The following CNBD1 variants were observed in gnomAD, a reference collection of about 807,000 sequenced individuals.
CNBD1 encodes the protein cyclic nucleotide-binding domain-containing protein 1.
In CNBD1, 71 loss-of-function variants were observed where a neutral mutation model predicts 54.4. The ratio of observed to expected loss-of-function variants is 1.30; its 90% confidence interval spans 1.08 to 1.59. The LOEUF (loss-of-function observed/expected upper bound fraction) is 1.59, where lower values mean the gene tolerates loss of function less well. Ranked by LOEUF, CNBD1 falls within the 40% of genes most tolerant of loss-of-function variation. CNBD1 has a pLI of 0.00. For missense variants in CNBD1, 659 were observed against 518.0 expected (o/e 1.27, Z -2.64); for synonymous variants, 182 against 170.7 (o/e 1.07, Z -0.51).
chr8:87,078,353 G>A (rs890974652), intron 4 of CNBD1, among the ~76,000 whole-genome samples: 9 of 152,202 alleles, frequency 5.9e-5, no homozygotes, highest in African/African-American at 1.9e-4. Context: ...TAATGTCAGT[G>A]TAAAGCTGTG....
chr8:87,268,959 G>T (rs1808313260), intron 6 of CNBD1, among the ~76,000 whole-genome samples: 1 of 151,974 alleles, frequency 6.6e-6, no homozygotes, highest in Admixed American at 6.6e-5. Flanking sequence ...TGTTTTTGTT[G>T]CAATTACCTT....
At chr8:87,186,525 C>T (rs1813479324) in intron 4 of CNBD1, among the ~76,000 whole-genome samples, 1 of 151,990 alleles carries the variant, frequency 6.6e-6, no homozygotes, top group Admixed American at 6.6e-5. Flanking sequence ...AATAAACAAA[C>T]AAACAACAAA....
At chr8:87,356,383 G>C (rs953404331) in intron 10 of CNBD1, among the ~76,000 whole-genome samples, 40 of 152,250 alleles carry the variant, frequency 2.6e-4, no homozygotes, top group Admixed American at 7.2e-4. Context: ...GTGAAGGCCA[G>C]GCTTATGAGG....
chr8:86,903,471 AG>A (rs1414205036), intron 2 of CNBD1, among the ~76,000 whole-genome samples: 1 of 152,108 alleles, frequency 6.6e-6, no homozygotes, highest in Middle Eastern at 3.2e-3. Flanking sequence ...AATGGGTAGG[AG>A]TATCTAGTTA....
At chr8:87,212,385 G>A (rs1159415407) in intron 5 of CNBD1, among the ~76,000 whole-genome samples, 1 of 151,950 alleles carries the variant, frequency 6.6e-6, no homozygotes, top group Non-Finnish European at 1.5e-5. Context: ...TAGAAATTTA[G>A]GAGATGCAAA....
chr8:87,327,510 G>A (rs575897242), intron 8 of CNBD1, among the ~76,000 whole-genome samples: 16 of 152,286 alleles, frequency 1.1e-4, no homozygotes, highest in Middle Eastern at 3.4e-3. Context: ...TTCGTGGTGC[G>A]CCGTTTTTTA....
At chr8:87,320,073 A>G (rs543343550) in intron 8 of CNBD1, among the ~76,000 whole-genome samples, 1 of 152,236 alleles carries the variant, frequency 6.6e-6, no homozygotes, top group Admixed American at 6.5e-5. Context: ...GAACAAAAAT[A>G]TATTGAGTGT....
At chr8:87,283,129 T>A (rs1808628155) in intron 6 of CNBD1, among the ~76,000 whole-genome samples, 1 of 152,134 alleles carries the variant, frequency 6.6e-6, no homozygotes, top group South Asian at 2.1e-4. Context: ...CTACATTTTA[T>A]TCCAGAGTAT....
intron 6 of CNBD1, among the ~76,000 whole-genome samples, chr8:87,244,523 C>T (rs1001178297): frequency 2.0e-5 from 3 of 152,044 alleles, no homozygotes; most frequent in Admixed American, 6.6e-5. Flanking sequence ...TTAACAATAT[C>T]GTCCTCCTTG....
intron 8 of CNBD1, among the ~76,000 whole-genome samples, chr8:87,293,063 C>T (rs913903833): frequency 1.3e-5 from 2 of 152,160 alleles, no homozygotes; most frequent in African/African-American, 4.8e-5. Flanking sequence ...AAGGGCTGCG[C>T]ACTGGGTGTT....
At chr8:87,292,262 C>T (rs1447205383) in intron 8 of CNBD1, among the ~76,000 whole-genome samples, 1 of 152,054 alleles carries the variant, frequency 6.6e-6, no homozygotes, top group Non-Finnish European at 1.5e-5. Flanking sequence ...AACTCACAAT[C>T]CTGAGAGAAT....
chr8:87,424,396 TTCTC>T (rs1360829519), intron 2 of CNBD1, among the ~76,000 whole-genome samples: 1 of 152,194 alleles, frequency 6.6e-6, no homozygotes, highest in Non-Finnish European at 1.5e-5. Flanking sequence ...CTTTCCTGCT[TTCTC>T]TTGTGGGCAT....
intron 6 of CNBD1, among the ~76,000 whole-genome samples, chr8:87,240,999 T>C (rs1297798835): frequency 6.6e-6 from 1 of 152,074 alleles, no homozygotes; most frequent in African/African-American, 2.4e-5. Flanking sequence ...CTAGGGAAAG[T>C]TTCAAGTTTA....
intron 4 of CNBD1, among the ~76,000 whole-genome samples, chr8:86,960,794 G>A (rs570949075): frequency 6.6e-6 from 1 of 152,266 alleles, no homozygotes; most frequent in East Asian, 1.9e-4. Flanking sequence ...GCTTCCAGAG[G>A]AAGGATCAGG....
rs544657618 is a variant in CNBD1, at chr8:87,217,539, T to C, written c.577+11401T>C. Among the ~76,000 whole-genome samples the C allele has an allele frequency of 2.2e-3, 328 of 151,056 alleles. 8 individuals are homozygous for C. The highest frequency in any genetic ancestry group is 0.021 in the South Asian group (100 of 4,802). The stretch of plus-strand genomic sequence containing the variant: ...AAAAAATAAGATTGCATAACAATTA[T>C]TGGTGAATTTTAAGGTAGATATTTT... On this transcript the variant is annotated intron_variant, in intron 5 of 10. Coordinates refer to ENST00000518476, the MANE Select transcript of CNBD1 (RefSeq NM_173538.3).
intron 4 of CNBD1, among the ~76,000 whole-genome samples, chr8:87,071,542 TC>T (rs1810759662): frequency 6.6e-6 from 1 of 152,136 alleles, no homozygotes; most frequent in Admixed American, 6.6e-5. Context: ...TGCATATTAT[TC>T]ATTTATGTTT....
chr8:87,375,624 A>G (rs950936919), intron 10 of CNBD1, among the ~76,000 whole-genome samples: 1 of 151,884 alleles, frequency 6.6e-6, no homozygotes, highest in African/African-American at 2.4e-5. Flanking sequence ...AGATTGGAAT[A>G]TTGGTATAGA....
At chr8:86,900,677 T>TA (rs997650122) in intron 2 of CNBD1, among the ~76,000 whole-genome samples, 25 of 151,254 alleles carry the variant, frequency 1.7e-4, no homozygotes, top group East Asian at 3.9e-4. Context: ...TTTCTAAAGA[T>TA]AAAAAAAAAT....
intron 4 of CNBD1, among the ~76,000 whole-genome samples, chr8:87,202,562 C>T (rs1813885754): frequency 1.3e-5 from 2 of 152,156 alleles, no homozygotes; most frequent in African/African-American, 2.4e-5. Context: ...GTTACATCCA[C>T]CTGCCCCATG....
Sources: allele counts gnomAD v4.1 joint callset (sites outside exome capture counted in the v4.1 genomes callset), GRCh38; gene constraint gnomAD v4.1.1; transcripts MANE v1.5; gene names NCBI Gene and HGNC (gene_info 2026-07-23, HGNC 2026-07-21).